MYCBP2: variants seen among roughly 807,000 people sequenced by gnomAD.
The protein encoded by MYCBP2 is MYC binding protein 2, also known as E3 ubiquitin-protein ligase MYCBP2.
In MYCBP2, 120 loss-of-function variants were observed where a neutral mutation model predicts 525.3. The ratio of observed to expected loss-of-function variants is 0.23; its 90% CI spans 0.20 to 0.27. The LOEUF is 0.27. Ranked by LOEUF, MYCBP2 falls within the 10% of genes least tolerant of loss-of-function variation. The pLI is 1.00. For missense variants in MYCBP2, 4,149 were observed against 5,657.1 expected (o/e 0.73, Z 8.55); for synonymous variants, 1,894 against 1,955.8 (o/e 0.97, Z 0.83).
At chr13:77,168,800 TAAAA>T (rs151226181) in intron 39 of MYCBP2, among the ~76,000 whole-genome samples, 154 bp from the exon 40 acceptor site, 1 of 152,148 alleles carries the variant, frequency 6.6e-6, no homozygotes, top group Non-Finnish European at 1.5e-5. Context: ...TTCAATTGAT[TAAAA>T]AAAGATTTAT....
chr13:77,090,368 A>G (rs1029741348), intron 59 of MYCBP2, 105 bp from the exon 60 acceptor site: 1 of 911,728 alleles, frequency 1.1e-6, no homozygotes, highest in Non-Finnish European at 1.6e-6. Context: ...CATGTGGAGA[A>G]ACAAAATCAA....
chr13:77,258,869 T>C (rs1457185477), intron 13 of MYCBP2, among the ~76,000 whole-genome samples: 1 of 152,192 alleles, frequency 6.6e-6, no homozygotes. Flanking sequence ...ATCTATTTTT[T>C]GCAGGTAGAA....
At chr13:77,138,503 T>G (rs986682222) in intron 52 of MYCBP2, among the ~76,000 whole-genome samples, 1 of 152,214 alleles carries the variant, frequency 6.6e-6, no homozygotes, top group African/African-American at 2.4e-5. Flanking sequence ...ATTAGCTCTA[T>G]CCTAAAGAGC....
chr13:77,121,699 C>T (rs2050718091), intron 54 of MYCBP2, among the ~76,000 whole-genome samples: 1 of 152,094 alleles, frequency 6.6e-6, no homozygotes, highest in Non-Finnish European at 1.5e-5. Flanking sequence ...TTATCAAATA[C>T]ACAGTGAAAT....
intron 5 of MYCBP2, among the ~76,000 whole-genome samples, chr13:77,270,865 G>T (rs1395287540): frequency 2.0e-5 from 3 of 151,744 alleles, no homozygotes; most frequent in Non-Finnish European, 2.9e-5. Context: ...CTCGATCCAT[G>T]TTTCTTATTT....
chr13:77,165,215 C>T (rs2058393977), intron 42 of MYCBP2, 58 bp downstream of exon 42: 7 of 1,419,914 alleles, frequency 4.9e-6, no homozygotes, highest in Non-Finnish European at 5.9e-6. Context: ...AAGCACAACT[C>T]ACTAGCCCTT....
At chr13:77,223,489 C>A (rs2065866659) in intron 20 of MYCBP2, among the ~76,000 whole-genome samples, 1 of 152,082 alleles carries the variant, frequency 6.6e-6, no homozygotes, top group African/African-American at 2.4e-5. Context: ...TTACTTTTGA[C>A]CAAAAGTATT....
intron 8 of MYCBP2, among the ~76,000 whole-genome samples, chr13:77,265,062 C>CT (rs1435164485): frequency 6.6e-6 from 1 of 152,024 alleles, no homozygotes; most frequent in Non-Finnish European, 1.5e-5. Flanking sequence ...TTTATCTTTG[C>CT]CCAGGAGCTT....
intron 1 of MYCBP2, among the ~76,000 whole-genome samples, chr13:77,315,749 G>A (rs2080851447): frequency 1.3e-5 from 2 of 152,050 alleles, no homozygotes; most frequent in African/African-American, 4.8e-5. Context: ...ACAAAAATTA[G>A]TCAGGCATAG....
chr13:77,059,939 T>G (rs1433891999), intron 76 of MYCBP2, among the ~76,000 whole-genome samples: 1 of 151,880 alleles, frequency 6.6e-6, no homozygotes, highest in Non-Finnish European at 1.5e-5. Context: ...TGACTCCAAA[T>G]GCACAATACC....
intron 18 of MYCBP2, among the ~76,000 whole-genome samples, chr13:77,230,239 C>T (rs1181203098): frequency 6.6e-6 from 1 of 152,114 alleles, no homozygotes; most frequent in Non-Finnish European, 1.5e-5. Context: ...TTCTTACTCT[C>T]CTTACACCCT....
chr13:77,206,731 T>C lies in MYCBP2; in HGVS notation c.3511A>G (p.Ile1171Val), dbSNP rs1414609957. Residue 1171 changes from isoleucine (I) to valine (V), a missense_variant, in exon 24 of 83, where the codon ATC becomes GTC. Physicochemically the swap from Ile to Val is conservative, Grantham distance 29. Transcript: ENST00000544440. ...SAADMQSRCS[I>V]LSPELALPTG... ...GGTAAGGCAAGTTCAGGACTTAGGA[T>C]ACTACATCTGGACTGCATGTCTGCT... 6.2e-7 allele frequency: 1 copy of C among 1,613,140 alleles called. No homozygotes were observed. Among genetic ancestry groups the C allele is most frequent in the South Asian group, 1.1e-5 (1 of 90,964 alleles).
chr13:77,156,507 T>G (rs2057231482), intron 45 of MYCBP2, among the ~76,000 whole-genome samples: 1 of 152,272 alleles, frequency 6.6e-6, no homozygotes, highest in South Asian at 2.1e-4. Context: ...AGAACACGAA[T>G]GTAGGTTGTG....
At chr13:77,313,539 T>C (rs1347509609) in intron 1 of MYCBP2, among the ~76,000 whole-genome samples, 1 of 151,696 alleles carries the variant, frequency 6.6e-6, no homozygotes, top group Non-Finnish European at 1.5e-5. Flanking sequence ...TCTTAGAAAA[T>C]AACACAGGAG....
At chr13:77,222,697 T>C (rs1007507883) in intron 20 of MYCBP2, among the ~76,000 whole-genome samples, 2 of 151,534 alleles carry the variant, frequency 1.3e-5, no homozygotes, top group African/African-American at 4.8e-5. Flanking sequence ...GGATGTAGAA[T>C]CCACATATGA....
chr13:77,224,430 A>C lies in MYCBP2; in HGVS notation c.2939+21T>G, dbSNP rs575225207. On this transcript the variant is annotated intron_variant, in intron 20 of 82. Transcript: ENST00000544440. ...GAAGAAAAAATAACTCTGGATCTTC[A>C]AATGAAAAGTTAGCAAGTACCTGGA... The C allele has an allele frequency of 1.2e-4, 184 of 1,517,352 alleles. 1 individual carries two copies. The highest frequency in any genetic ancestry group is 6.5e-4 in the Admixed American group (36 of 55,738). 94.0% of individuals were successfully genotyped at this position (1,517,352 alleles called of 1,614,324 possible). A position where few individuals can be genotyped will look rare whatever the true frequency, so the allele number is the denominator to read the frequency against.
intron 10 of MYCBP2, 27 bp downstream of exon 10, chr13:77,263,623 AG>A (rs752256685): frequency 6.3e-7 from 1 of 1,584,626 alleles, no homozygotes; most frequent in Non-Finnish European, 8.6e-7. Context: ...ATTAAAATAT[AG>A]GGAAAACACT....
At chr13:77,294,126 A>ATATATATATATG (rs2077864764) in intron 2 of MYCBP2, among the ~76,000 whole-genome samples, 1 of 67,294 alleles carries the variant, frequency 1.5e-5, no homozygotes, top group Non-Finnish European at 3.7e-5. Flanking sequence ...ATATATATAT[A>ATATATATATATG]TATACATATA....
intron 21 of MYCBP2, among the ~76,000 whole-genome samples, chr13:77,217,443 C>A (rs1161045268): frequency 3.3e-5 from 5 of 151,886 alleles, no homozygotes; most frequent in African/African-American, 9.7e-5. Flanking sequence ...TTAAACAAAT[C>A]AAATAAAAAA....
Sources: allele counts gnomAD v4.1 joint callset (sites outside exome capture counted in the v4.1 genomes callset), GRCh38; gene constraint gnomAD v4.1.1; transcripts MANE v1.5; gene names NCBI Gene and HGNC (gene_info 2026-07-23, HGNC 2026-07-21).